SYTL2: variants seen among roughly 807,000 people sequenced by gnomAD.
SYTL2 encodes synaptotagmin like 2.
In SYTL2, 165 loss-of-function variants were observed where a neutral mutation model predicts 198.7. The ratio of observed to expected loss-of-function variants is 0.83; its 90% confidence interval spans 0.73 to 0.94. SYTL2 has a LOEUF of 0.94. SYTL2 is among the 40% of genes least tolerant of loss of function. The pLI is 0.00. For missense variants in SYTL2, 2,835 were observed against 2,582.8 expected, an observed-to-expected ratio of 1.10 and a Z score of -2.12; for synonymous variants, 966 against 917.7, an observed-to-expected ratio of 1.05 and a Z score of -0.95.
chr11:85,739,253 C>CTTT (rs34147924), intron 4 of SYTL2, among the ~76,000 whole-genome samples: 3,892 of 124,372 alleles, frequency 0.031, 213 homozygotes, highest in African/African-American at 0.11. Flanking sequence ...AGGAGGCTGG[C>CTTT]TTTTTTTTTT....
the SYTL2 span, among the ~76,000 whole-genome samples, chr11:85,841,515 T>C: frequency 1.3e-5 from 2 of 152,228 alleles, no homozygotes; most frequent in African/African-American, 4.8e-5. Context: ...TCTTGTCCTT[T>C]GCAGGGAAAT....
At chr11:85,719,806 TTGG>T (rs1254528060) in intron 9 of SYTL2, among the ~76,000 whole-genome samples, 1 of 152,214 alleles carries the variant, frequency 6.6e-6, no homozygotes, top group East Asian at 1.9e-4. Context: ...TAGGAAATGT[TTGG>T]TGAAGTGGCT....
Position 85,734,695 on chromosome 11 carries a change from T to C in SYTL2, c.634A>G (p.Ile212Val). The change falls in exon 7 of 20, where the codon ATC becomes GTC. Residue 212 changes from isoleucine to valine, a missense_variant. By Grantham distance (29) the Ile-to-Val change is conservative. Around this residue, in one of 3 missense-constraint regions of SYTL2, gnomAD observed 2,645 missense variants for 2,381.7 expected, o/e 1.11. Transcript: ENST00000359152. ...KEKSTVADTS[I>V]QKLEKSKQTL... ...TGCTTTGATTTCTCTAACTTTTGGA[T>C]TGAAGTATCTGCGACAGTTGACTTT... 1 of 1,614,112 alleles carries C rather than the reference T, an allele frequency of 6.2e-7. No individual in the cohort carries two copies. The highest frequency in any genetic ancestry group is 8.5e-7 in the Non-Finnish European group (1 of 1,180,006).
chr11:85,845,610 T>C, the SYTL2 span, among the ~76,000 whole-genome samples: 2 of 150,656 alleles, frequency 1.3e-5, no homozygotes, highest in African/African-American at 4.9e-5. Context: ...AAAAAAAAAT[T>C]AAAAATAAAT....
chr11:85,700,582 A>G lies in SYTL2; in HGVS notation c.6201T>C (p.Val2067=), dbSNP rs763108827. Reference sequence around the variant, plus strand: ...CACCTCTGTTTTCTGCTTCAAGGGCAACTGGTGCTGTCTGAAAAGTGAAGA... The same window carrying G: ...CACCTCTGTTTTCTGCTTCAAGGGCGACTGGTGCTGTCTGAAAAGTGAAGA... ...WYPLKRKTAP[V]ALEAENRGEM... is the part of the protein sequence containing the mutation. The change falls in exon 17 of 20, where the codon GTT becomes GTC. Residue 2067 remains valine (V), a synonymous_variant. Coordinates refer to ENST00000359152, the MANE Select transcript of SYTL2 (RefSeq NM_206927.4). 4.3e-6 allele frequency: 7 copies of G among 1,613,962 alleles called. No individual in the cohort carries two copies. Among genetic ancestry groups the G allele is most frequent in the Non-Finnish European group, 5.9e-6 (7 of 1,179,844 alleles).
At chr11:85,777,654 C>G (rs1203479096) in intron 1 of SYTL2, among the ~76,000 whole-genome samples, 1 of 147,910 alleles carries the variant, frequency 6.8e-6, no homozygotes, top group Non-Finnish European at 1.5e-5. Flanking sequence ...CACCCCCTGC[C>G]AAAAAAAAGA....
At chr11:85,802,203 TTTC>T (rs2092899670) in intron 1 of SYTL2, among the ~76,000 whole-genome samples, 1 of 149,234 alleles carries the variant, frequency 6.7e-6, no homozygotes, top group Non-Finnish European at 1.5e-5. Flanking sequence ...CACACTCTCT[TTTC>T]TTCTTTTTCT....
the SYTL2 span, among the ~76,000 whole-genome samples, chr11:85,833,832 G>C: frequency 6.7e-6 from 1 of 149,878 alleles, no homozygotes; most frequent in South Asian, 2.1e-4. Context: ...TCCGCCTCTC[G>C]GGTTCAAGCT....
intron 2 of SYTL2, among the ~76,000 whole-genome samples, 187 bp downstream of exon 2, chr11:85,757,436 CCA>C (rs2091929298): frequency 6.6e-6 from 1 of 152,030 alleles, no homozygotes; most frequent in African/African-American, 2.4e-5. Flanking sequence ...TGGTAGGAGT[CCA>C]GTAGGATAAA....
At chr11:85,783,913 T>C (rs1317160167) in intron 1 of SYTL2, among the ~76,000 whole-genome samples, 1 of 152,182 alleles carries the variant, frequency 6.6e-6, no homozygotes, top group Non-Finnish European at 1.5e-5. Context: ...CCCTGCACAC[T>C]CTGTGGCCTG....
In SYTL2 at chr11:85,697,999, A is replaced by G; in HGVS notation, c.6348T>C (p.His2116=). 1 of 1,612,586 alleles carries G rather than the reference A, an allele frequency of 6.2e-7. No individual in the cohort carries two copies. The highest frequency in any genetic ancestry group is 8.5e-7 in the Non-Finnish European group (1 of 1,178,606). ...CLDLPLLRGS[H]LNSFVKCTIL... Reference sequence around the variant, plus strand: ...ATTACCATTTAACAAAAGAATTTAGATGACTTCCCCTTAGCAGTGGTAGAT... The same window carrying G: ...ATTACCATTTAACAAAAGAATTTAGGTGACTTCCCCTTAGCAGTGGTAGAT... Residue 2116 remains histidine (H), a synonymous_variant, in exon 18 of 20, where the codon CAT becomes CAC. Coordinates refer to ENST00000359152, the MANE Select transcript of SYTL2 (RefSeq NM_206927.4).
intron 9 of SYTL2, chr11:85,719,245 T>A (rs970529589): frequency 1.7e-6 from 2 of 1,192,786 alleles, no homozygotes; most frequent in African/African-American, 3.2e-5. Context: ...GTGTGCATCA[T>A]CATTCACATA....
chr11:85,805,591 C>T (rs2092948330), intron 1 of SYTL2, among the ~76,000 whole-genome samples: 1 of 152,186 alleles, frequency 6.6e-6, no homozygotes, highest in African/African-American at 2.4e-5. Context: ...CAGCCAGAGG[C>T]AGGAGAGTCC....
At chr11:85,771,570 G>A (rs576291309) in intron 1 of SYTL2, among the ~76,000 whole-genome samples, 1 of 152,282 alleles carries the variant, frequency 6.6e-6, no homozygotes, top group Admixed American at 6.5e-5. Context: ...TTCCTTGGTT[G>A]TGTATGCAAC....
Position 85,705,588 on chromosome 11 carries a change from G to T in SYTL2, c.6019-560C>A, listed in dbSNP as rs112759917. Among the ~76,000 whole-genome samples, 178 of 152,248 alleles carry T rather than the reference G, an allele frequency of 1.2e-3. 1 individual carries two copies. Among genetic ancestry groups the T allele is most frequent in the African/African-American group, 3.7e-3 (153 of 41,556 alleles). On this transcript the variant is annotated intron_variant, in intron 15 of 19. Transcript: ENST00000359152. ...ATAAATAAACTTGTCTTTTCCTGCT[G>T]CATATGGCCAAGTAGAAAAGGTCTG... is the stretch of plus-strand genomic sequence containing the variant.
chr11:85,754,003 A>T (rs1206456414), intron 2 of SYTL2, among the ~76,000 whole-genome samples: 2 of 152,134 alleles, frequency 1.3e-5, no homozygotes, highest in Admixed American at 1.3e-4. Flanking sequence ...TGGCTACGGG[A>T]GAGTTATACT....
intron 8 of SYTL2, among the ~76,000 whole-genome samples, chr11:85,722,204 A>C (rs1265128359): frequency 8.1e-6 from 1 of 124,078 alleles, no homozygotes; most frequent in Non-Finnish European, 1.6e-5. Flanking sequence ...TTTGAGATGA[A>C]GTCTTGCTCT....
At chr11:85,808,409 C>T (rs1268333283) in intron 1 of SYTL2, among the ~76,000 whole-genome samples, 2 of 152,004 alleles carry the variant, frequency 1.3e-5, no homozygotes, top group East Asian at 1.9e-4. Context: ...TTTTTTTCTA[C>T]AATGAATATG....
At chr11:85,702,636 G>A (rs1477441742) in intron 16 of SYTL2, among the ~76,000 whole-genome samples, 1 of 152,176 alleles carries the variant, frequency 6.6e-6, no homozygotes, top group Non-Finnish European at 1.5e-5. Context: ...TGAAAACTGG[G>A]CTTGTGCTTC....
Sources: gnomAD v4.1 joint callset for allele counts (sites outside exome capture counted in the v4.1 genomes callset) on GRCh38, gnomAD v4.1.1 for gene constraint, gnomAD v4.1.1 regional missense constraint, MANE v1.5 for transcripts, NCBI Gene and HGNC (gene_info 2026-07-23, HGNC 2026-07-21) for gene names.